Variants in IL2RA observed in about 807,000 individuals in gnomAD.
IL2RA encodes interleukin 2 receptor subunit alpha.
Under a neutral mutation model 37.8 loss-of-function variants are expected in IL2RA, and 24 were observed. The observed-to-expected ratio is 0.63, with a 90% CI of 0.46 to 0.89. IL2RA has a LOEUF of 0.89. Ranked by LOEUF, IL2RA falls within the 40% of genes least tolerant of loss-of-function variation. IL2RA has a pLI of 0.00. For missense variants in IL2RA, 319 were observed against 348.6 expected (o/e 0.92, Z 0.68); for synonymous variants, 125 against 114.6 (o/e 1.09, Z -0.58).
rs919681167 is a variant in IL2RA, at chr10:6,035,618, G to A, written c.65-9593C>T. On this transcript the variant is annotated intron_variant, in intron 1 of 7. Coordinates refer to ENST00000379959, the MANE Select transcript of IL2RA (RefSeq NM_000417.3). This position sits in a 1 kb window ranked among gnomAD's most constrained non-coding sequence, Gnocchi z 5.4. ...TCCCAGGAGGAGAATCCTGAACCACGGGCTCTGCGGTGATGTGGCCTTCCT... is the reference window on the plus strand; with the variant it reads ...TCCCAGGAGGAGAATCCTGAACCACAGGCTCTGCGGTGATGTGGCCTTCCT... Among the ~76,000 whole-genome samples, 2 of 152,158 alleles carry A rather than the reference G, an allele frequency of 1.3e-5. No individual in the cohort carries two copies. The highest frequency in any genetic ancestry group is 2.1e-4 in the South Asian group (1 of 4,822).
rs934607537 is a variant in IL2RA, at chr10:6,033,186, G to A, written c.65-7161C>T. 5.9e-5 allele frequency among the ~76,000 whole-genome samples: 9 copies of A among 152,188 alleles called. No individual in the cohort carries two copies. Among genetic ancestry groups the A allele is most frequent in the South Asian group, 4.1e-4 (2 of 4,826 alleles). On this transcript the variant is annotated intron_variant, in intron 1 of 7. Coordinates refer to ENST00000379959, the MANE Select transcript of IL2RA (RefSeq NM_000417.3). The surrounding 1 kb of genome is among the most constrained non-coding windows in gnomAD (Gnocchi z 4.3). The stretch of plus-strand genomic sequence containing the variant: ...TAAGTCAGGAGTTTGAGACCAGCCC[G>A]GTCAACATGGCGAAACCCTTTCTCT...
chr10:6,025,967 G>A lies in IL2RA; in HGVS notation c.123C>T (p.Tyr41=). The A allele has an allele frequency of 6.2e-7, 1 of 1,614,004 alleles. No homozygotes were observed. Among genetic ancestry groups the A allele is most frequent in the South Asian group, 1.1e-5 (1 of 91,082 alleles). ...CACAGTTCAACATGGTTCCTTCCTT[G>A]TAGGCCATGGCTTTGAATGTGGCGT... ...IPHATFKAMA[Y]KEGTMLNCEC... is the part of the protein sequence containing the mutation. The change falls in exon 2 of 8, where the codon TAC becomes TAT. Residue 41 remains tyrosine, a synonymous_variant. Transcript: ENST00000379959. The surrounding 1 kb of genome is among the most constrained non-coding windows in gnomAD (Gnocchi z 4.4).
In IL2RA at chr10:6,026,132, G is replaced by C. The variant is rs1839480077; in HGVS notation, c.65-107C>G. 5.9e-6 allele frequency: 7 copies of C among 1,178,018 alleles called. No homozygotes were observed. The South Asian group carries it at 9.0e-5, about 15-fold the overall frequency. 73.0% of individuals were successfully genotyped at this position (1,178,018 alleles called of 1,614,324 possible). ...ACATATTTCTTCACTTTATTTAAAA[G>C]ATGGTATGCCCTACTTTTTGTGAGA... On this transcript the variant is annotated intron_variant, in intron 1 of 7. Transcript: ENST00000379959.
intron 1 of IL2RA, among the ~76,000 whole-genome samples, chr10:6,053,649 A>G (rs1839996956): frequency 6.6e-6 from 1 of 152,166 alleles, no homozygotes. Flanking sequence ...AAACTTCCTT[A>G]TTTAAAATTA....
intron 1 of IL2RA, among the ~76,000 whole-genome samples, chr10:6,045,288 C>T (rs902342853): frequency 6.6e-6 from 1 of 152,104 alleles, no homozygotes; most frequent in Non-Finnish European, 1.5e-5. Flanking sequence ...AACAACTGTG[C>T]CTTACTCAAC....
intron 7 of IL2RA, among the ~76,000 whole-genome samples, chr10:6,016,447 C>T (rs1839280663): frequency 6.6e-6 from 1 of 152,242 alleles, no homozygotes; most frequent in South Asian, 2.1e-4. Context: ...TGGGCTAAGA[C>T]ACCACTGAAC....
At chr10:6,023,329 C>A (rs1310850590) in intron 3 of IL2RA, among the ~76,000 whole-genome samples, 1 of 151,808 alleles carries the variant, frequency 6.6e-6, no homozygotes, top group African/African-American at 2.4e-5. Flanking sequence ...GGTTTTTTTT[C>A]TTTTTTGTTT....
rs1328671187 is a variant in IL2RA at position 6,046,949 on chromosome 10, A to G, written c.64+15139T>C. 6.6e-6 allele frequency among the ~76,000 whole-genome samples: 1 copy of G among 152,194 alleles called. No homozygotes were observed. Among genetic ancestry groups the G allele is most frequent in the Non-Finnish European group, 1.5e-5 (1 of 68,030 alleles). ...GATGCAGGCAGGGATCCCATGTCCT[A>G]CTGGAAGGTTTAAAGACTTCCTCAG... is the stretch of plus-strand genomic sequence containing the variant. On this transcript the variant is annotated intron_variant, in intron 1 of 7. Coordinates refer to ENST00000379959, the MANE Select transcript of IL2RA (RefSeq NM_000417.3). The surrounding 1 kb of genome is among the most constrained non-coding windows in gnomAD (Gnocchi z 4.8).
At chr10:6,042,415 A>C (rs1839786852) in intron 1 of IL2RA, among the ~76,000 whole-genome samples, 1 of 152,134 alleles carries the variant, frequency 6.6e-6, no homozygotes, top group Non-Finnish European at 1.5e-5. Context: ...GAAAGCTTAC[A>C]GAAAATAACA....
In IL2RA at chr10:6,025,900, A is replaced by G; in HGVS notation, c.190T>C (p.Tyr64His). 1.2e-6 allele frequency: 2 copies of G among 1,614,238 alleles called. No individual in the cohort carries two copies. Among genetic ancestry groups the G allele is most frequent in the Non-Finnish European group, 1.7e-6 (2 of 1,180,036 alleles). Residue 64 changes from tyrosine (Y) to histidine (H), a missense_variant, in exon 2 of 8, where the codon TAT (tyrosine) becomes CAT (histidine). Coordinates refer to ENST00000379959, the MANE Select transcript of IL2RA (RefSeq NM_000417.3). The surrounding 1 kb of genome is among the most constrained non-coding windows in gnomAD (Gnocchi z 4.4). Reference protein sequence around the residue: ...GFRRIKSGSLYMLCTGNSSHS... With the variant: ...GFRRIKSGSLHMLCTGNSSHS... ...CTAGAGTTTCCTGTACAGAGCATATAGAGTGACCCGCTTTTTATTCTGCGG... is the reference window on the plus strand; with the variant it reads ...CTAGAGTTTCCTGTACAGAGCATATGGAGTGACCCGCTTTTTATTCTGCGG...
In IL2RA at chr10:6,035,094, T is replaced by G. The variant is rs1357413822; in HGVS notation, c.65-9069A>C. Among the ~76,000 whole-genome samples, 1 of 152,146 alleles carries G rather than the reference T, an allele frequency of 6.6e-6. No individual in the cohort carries two copies. The highest frequency in any genetic ancestry group is 1.9e-4 in the East Asian group (1 of 5,196). On this transcript the variant is annotated intron_variant, in intron 1 of 7. Transcript: ENST00000379959. The surrounding 1 kb of genome is among the most constrained non-coding windows in gnomAD (Gnocchi z 5.4). ...GAAATTGGGGCTCCCCACCCTGCAC[T>G]AGGGTCTCACACAAAGGGGTTGGCA...
In IL2RA at chr10:6,021,687, C is replaced by A. The variant is rs1839390431; in HGVS notation, c.374G>T (p.Cys125Phe). Residue 125 changes from cysteine to phenylalanine, a missense_variant, in exon 4 of 8, where the codon TGC (cysteine) becomes TTC (phenylalanine). Physicochemically the swap from Cys to Phe is radical, Grantham distance 205. Coordinates refer to ENST00000379959, the MANE Select transcript of IL2RA (RefSeq NM_000417.3). The surrounding 1 kb of genome is among the most constrained non-coding windows in gnomAD (Gnocchi z 4.9). ...ATTTTCCCATGGTGGAGGTTCCCTG[C>A]AGTGACCTGGAAGATGGAAGGAATG... ...PVDQASLPGHCREPPPWENEA... is the reference protein window; with the variant it reads ...PVDQASLPGHFREPPPWENEA... 1 of 1,613,882 alleles carries A rather than the reference C, an allele frequency of 6.2e-7. No homozygotes were observed. Among genetic ancestry groups the A allele is most frequent in the African/African-American group, 1.3e-5 (1 of 74,914 alleles).
intron 1 of IL2RA, among the ~76,000 whole-genome samples, chr10:6,027,227 G>A (rs189486630): frequency 1.3e-5 from 2 of 152,242 alleles, no homozygotes; most frequent in East Asian, 3.9e-4. Context: ...TTGGGAGGCT[G>A]AGGCAGGAGA....
chr10:6,041,753 G>C (rs1839775444), intron 1 of IL2RA, among the ~76,000 whole-genome samples: 1 of 152,266 alleles, frequency 6.6e-6, no homozygotes, highest in Admixed American at 6.5e-5. Flanking sequence ...TTGAACTAAA[G>C]GGCTGGAAAA....
chr10:6,020,053 T>A lies in IL2RA; in HGVS notation c.584-112A>T. The stretch of plus-strand genomic sequence containing the variant: ...CCAGACACGCCCGAGGAGGCAGGAA[T>A]CCTGGTGTGGGCACTTCGCCAGGGA... On this transcript the variant is annotated intron_variant, in intron 4 of 7. Coordinates refer to ENST00000379959, the MANE Select transcript of IL2RA (RefSeq NM_000417.3). This position sits in a 1 kb window ranked among gnomAD's most constrained non-coding sequence, Gnocchi z 5.6. The A allele has an allele frequency of 1.1e-6, 1 of 876,400 alleles. No homozygotes were observed. The highest frequency in any genetic ancestry group is 1.9e-6 in the Non-Finnish European group (1 of 525,562). The allele number at this position is 876,400 out of a possible 1,614,324, so 54.3% of individuals were successfully genotyped here.
At chr10:6,019,554 C>G in intron 5 of IL2RA, 55 bp from the exon 6 acceptor site, 1 of 1,348,000 alleles carries the variant, frequency 7.4e-7, no homozygotes. Context: ...TAGGACAGCA[C>G]GAGGCTAAAG....
rs1156667233 is a variant in IL2RA, at chr10:6,025,663, A to G, written c.256+171T>C. 6.6e-6 allele frequency among the ~76,000 whole-genome samples: 1 copy of G among 152,140 alleles called. No individual in the cohort carries two copies. The highest frequency in any genetic ancestry group is 1.5e-5 in the Non-Finnish European group (1 of 68,028). On this transcript the variant is annotated intron_variant, in intron 2 of 7. Coordinates refer to ENST00000379959, the MANE Select transcript of IL2RA (RefSeq NM_000417.3). The surrounding 1 kb of genome is among the most constrained non-coding windows in gnomAD (Gnocchi z 4.4). ...ACAGAGTGAGAGTCTGTCTCCAAAA[A>G]AAAAAAAAATTGTGTTTAGTGAATG...
intron 1 of IL2RA, among the ~76,000 whole-genome samples, chr10:6,060,766 A>C (rs1840111086): frequency 1.3e-5 from 2 of 151,854 alleles, no homozygotes; most frequent in South Asian, 4.2e-4. Flanking sequence ...CAAAAAGTAA[A>C]AAAAAAATAA....
At chr10:6,026,842 A>G (rs1156746475) in intron 1 of IL2RA, among the ~76,000 whole-genome samples, 1 of 152,226 alleles carries the variant, frequency 6.6e-6, no homozygotes, top group Non-Finnish European at 1.5e-5. Context: ...CTCTCCGTCA[A>G]TGGAAGCCCA....
Sources: gnomAD v4.1 joint callset for allele counts (sites outside exome capture counted in the v4.1 genomes callset) on GRCh38, gnomAD v4.1.1 for gene constraint, Gnocchi (gnomAD v3.1) non-coding constraint, MANE v1.5 for transcripts, NCBI Gene and HGNC (gene_info 2026-07-23, HGNC 2026-07-21) for gene names.